The following TTYH2 variants were observed in gnomAD, a reference collection of about 807,000 sequenced individuals.
TTYH2 encodes tweety family member 2.
TTYH2 carries 49 observed loss-of-function variants against 68.3 expected under a neutral mutation model. That is an observed-to-expected ratio of 0.72 (90% CI 0.57 to 0.91). The LOEUF (loss-of-function observed/expected upper bound fraction) is 0.91, where lower values mean the gene tolerates loss of function less well. Among genes scored for constraint, TTYH2 ranks in the 40% least tolerant of loss-of-function variants. The probability of loss-of-function intolerance (pLI) is 0.00; values close to 1 mark genes in which losing one functional copy is unlikely to be tolerated. For synonymous variants in TTYH2, 272 were observed against 300.8 expected (o/e 0.90, Z 0.99); for missense variants, 631 against 700.4 (o/e 0.90, Z 1.12).
Position 74,213,823 on chromosome 17 carries a change from C to A in TTYH2, c.129+107C>A. The A allele has an allele frequency of 7.2e-7, 1 of 1,385,616 alleles. No homozygotes were observed. Among genetic ancestry groups the A allele is most frequent in the Non-Finnish European group, 9.8e-7 (1 of 1,018,692 alleles). The allele number at this position is 1,385,616 out of a possible 1,614,324, so 85.8% of individuals were successfully genotyped here. On this transcript the variant is annotated intron_variant, in intron 1 of 13. Coordinates refer to ENST00000269346, the MANE Select transcript of TTYH2 (RefSeq NM_032646.6). This position sits in a 1 kb window ranked among gnomAD's most constrained non-coding sequence, Gnocchi z 6.1. ...TTCCCACGTGCCTCTCAGACCCCTT[C>A]TCTCCCCGCGCAGCCCTTTCCCGTC...
rs2050201340 is a variant in TTYH2 at position 74,214,332 on chromosome 17, C to T, written c.129+616C>T. Among the ~76,000 whole-genome samples the T allele has an allele frequency of 6.6e-6, 1 of 152,138 alleles. No individual in the cohort carries two copies. On this transcript the variant is annotated intron_variant, in intron 1 of 13. Transcript: ENST00000269346. This position sits in a 1 kb window ranked among gnomAD's most constrained non-coding sequence, Gnocchi z 4.6. Reference sequence around the variant, plus strand: ...AGCGCAGAGAACCCACAGCTGCTTGCGCTTGTTCCAGGGAAGGAAGGTGGC... The same window carrying T: ...AGCGCAGAGAACCCACAGCTGCTTGTGCTTGTTCCAGGGAAGGAAGGTGGC...
At chr17:74,219,697 C>T (rs553834860) in intron 1 of TTYH2, among the ~76,000 whole-genome samples, 9 of 152,326 alleles carry the variant, frequency 5.9e-5, no homozygotes, top group African/African-American at 2.2e-4. Flanking sequence ...GGCTTTCTCT[C>T]TCAACCTGAC....
chr17:74,231,124 G>GT, intron 3 of TTYH2, 125 bp downstream of exon 3: 1 of 877,526 alleles, frequency 1.1e-6, no homozygotes, highest in Non-Finnish European at 1.8e-6. Context: ...GACGCCTGAG[G>GT]GCTGGACCCC....
At chr17:74,216,367 G>T (rs1428540102) in intron 1 of TTYH2, among the ~76,000 whole-genome samples, 4 of 152,184 alleles carry the variant, frequency 2.6e-5, no homozygotes, top group Non-Finnish European at 5.9e-5. Flanking sequence ...AGCAAGGATG[G>T]AAACAGGCAG....
chr17:74,231,047 C>CA, intron 3 of TTYH2, 48 bp downstream of exon 3: 1 of 1,568,100 alleles, frequency 6.4e-7, no homozygotes, highest in South Asian at 1.1e-5. Flanking sequence ...CCCACAAGGT[C>CA]AGCGTGGTCA....
chr17:74,248,618 A>G (rs2050585782), intron 6 of TTYH2: 1 of 1,088,308 alleles, frequency 9.2e-7, no homozygotes, highest in African/African-American at 1.6e-5. Context: ...GGTGTAACGA[A>G]CTCCCACACA....
chr17:74,257,512 G>A (rs531485176), intron 13 of TTYH2, among the ~76,000 whole-genome samples: 12 of 152,308 alleles, frequency 7.9e-5, no homozygotes, highest in East Asian at 3.9e-4. Context: ...CCTTAGCACC[G>A]AGCAAGTTCG....
chr17:74,231,111 T>A, intron 3 of TTYH2, 112 bp downstream of exon 3: 2 of 996,868 alleles, frequency 2.0e-6, no homozygotes, highest in Non-Finnish European at 3.0e-6. Context: ...GGAGGGGCTG[T>A]GTGACGCCTG....
chr17:74,243,285 T>A (rs939419165), intron 4 of TTYH2, 89 bp from the exon 5 acceptor site: 7 of 1,087,238 alleles, frequency 6.4e-6, no homozygotes, highest in Non-Finnish European at 9.9e-6. Context: ...GTCCAGTGTG[T>A]CCCAGGGCTG....
chr17:74,249,568 A>G (rs1221928230), intron 8 of TTYH2, among the ~76,000 whole-genome samples, 169 bp downstream of exon 8: 1 of 152,050 alleles, frequency 6.6e-6, no homozygotes, highest in African/African-American at 2.4e-5. Context: ...TGGGTTCTAG[A>G]TTGGTGGTTA....
Position 74,243,920 on chromosome 17 carries a change from G to C in TTYH2, c.732-57G>C, listed in dbSNP as rs2050527731. The C allele has an allele frequency of 3.8e-6, 6 of 1,562,062 alleles. No individual in the cohort carries two copies. In the Admixed American group the frequency reaches 8.5e-5, roughly 22 times the overall value. On this transcript the variant is annotated intron_variant, in intron 5 of 13. Transcript: ENST00000269346. ...GGTCTGGGGGCAGGGTGGGTGGGGT[G>C]ATGGCTGAGAGGAAGGGGACCCCGC...
intron 2 of TTYH2, among the ~76,000 whole-genome samples, chr17:74,224,385 T>TAC (rs71286190): frequency 0.14 from 21,731 of 150,414 alleles, 1,865 homozygotes; most frequent in Non-Finnish European, 0.2. Flanking sequence ...CCCTGTCTCT[T>TAC]ACACACACAC....
chr17:74,223,560 C>T (rs577168047), intron 2 of TTYH2, among the ~76,000 whole-genome samples: 2 of 152,278 alleles, frequency 1.3e-5, no homozygotes, highest in African/African-American at 2.4e-5. Flanking sequence ...AACTCCCGTG[C>T]AGGAGTCCAT....
rs1355296620 is a variant in TTYH2 at position 74,260,416 on chromosome 17, C to T, written c.*207C>T. The T allele has an allele frequency of 1.7e-6, 1 of 585,184 alleles. No individual in the cohort carries two copies. The highest frequency in any genetic ancestry group is 2.9e-5 in the East Asian group (1 of 34,144). 36.2% of individuals were successfully genotyped at this position (585,184 alleles called of 1,614,324 possible). On this transcript the variant is annotated 3_prime_UTR_variant, in exon 14 of 14. Transcript: ENST00000269346. ...GCCAGCCTCTCTCTTTTGCCCTGCT[C>T]TCCACACCAGAAATGCCCCCAGGTG...
intron 2 of TTYH2, among the ~76,000 whole-genome samples, chr17:74,223,515 G>A (rs1598214858): frequency 6.6e-6 from 1 of 152,244 alleles, no homozygotes; most frequent in Admixed American, 6.5e-5. Flanking sequence ...TTACAGGCAT[G>A]AGCCACCATG....
intron 4 of TTYH2, chr17:74,240,895 A>C (rs1480410128): frequency 1.3e-5 from 2 of 152,158 alleles, no homozygotes; most frequent in African/African-American, 4.8e-5. Flanking sequence ...AGGCAGGGAA[A>C]ATACATTGAA....
At chr17:74,251,201 G>A (rs748880385) in intron 10 of TTYH2, among the ~76,000 whole-genome samples, 40 of 151,560 alleles carry the variant, frequency 2.6e-4, no homozygotes, top group Middle Eastern at 3.4e-3. Context: ...CTGTGCATGC[G>A]TGTGTGTGGT....
At position 74,232,256 on chromosome 17, in the gene TTYH2, G is replaced by A. The variant is rs2050397118; in HGVS notation, c.414+1257G>A. 1.3e-5 allele frequency among the ~76,000 whole-genome samples: 2 copies of A among 152,198 alleles called. No homozygotes were observed. The highest frequency in any genetic ancestry group is 2.9e-5 in the Non-Finnish European group (2 of 68,032). ...GCTTTAATCCCTCAGTCAACAAGGGGGGTCGGGGGTGTCACCTTAAAGAGA... is the reference window on the plus strand; with the variant it reads ...GCTTTAATCCCTCAGTCAACAAGGGAGGTCGGGGGTGTCACCTTAAAGAGA... On this transcript the variant is annotated intron_variant, in intron 3 of 13. Transcript: ENST00000269346. This position sits in a 1 kb window ranked among gnomAD's most constrained non-coding sequence, Gnocchi z 5.1.
chr17:74,258,554 A>G (rs376809438), intron 13 of TTYH2, among the ~76,000 whole-genome samples: 4 of 152,106 alleles, frequency 2.6e-5, no homozygotes, highest in African/African-American at 9.7e-5. Flanking sequence ...GGTGTGAGCC[A>G]CCGTGCCTGG....
Sources: allele counts gnomAD v4.1 joint callset (sites outside exome capture counted in the v4.1 genomes callset), GRCh38; gene constraint gnomAD v4.1.1; non-coding constraint Gnocchi (gnomAD v3.1); transcripts MANE v1.5; gene names NCBI Gene and HGNC (gene_info 2026-07-23, HGNC 2026-07-21).